ANKS6: variants seen among roughly 807,000 people sequenced by gnomAD.
ANKS6 encodes ankyrin repeat and SAM domain-containing protein 6.
ANKS6 carries 47 observed loss-of-function variants against 77.9 expected under a neutral mutation model. That is an observed-to-expected ratio of 0.60 (90% CI 0.48 to 0.77). The LOEUF (loss-of-function observed/expected upper bound fraction) is 0.77, where lower values mean the gene tolerates loss of function less well. Among genes scored for constraint, ANKS6 ranks in the 30% least tolerant of loss-of-function variants. The pLI is 0.00. For missense variants in ANKS6, 1,150 were observed against 1,159.1 expected (o/e 0.99, Z 0.11); for synonymous variants, 488 against 501.7 (o/e 0.97, Z 0.37).
At chr9:98,755,469 G>A (rs1832650941) in intron 12 of ANKS6, among the ~76,000 whole-genome samples, 1 of 152,148 alleles carries the variant, frequency 6.6e-6, no homozygotes, top group Admixed American at 6.5e-5. Context: ...TGACTGCAAA[G>A]CCTCTGCTCC....
At position 98,768,157 on chromosome 9, in the gene ANKS6, G is replaced by A; in HGVS notation, c.2066C>T (p.Pro689Leu). ...LEQKPSHRSS[P>L]VGPAPGSSPS... The stretch of plus-strand genomic sequence containing the variant: ...GCTGGACCCCGGTGCTGGCCCCACA[G>A]GGCTTGACCGATGGCTGGGTTTCTG... Residue 689 changes from proline to leucine, a missense_variant, in exon 11 of 15, where the codon CCT becomes CTT. Transcript: ENST00000353234. The A allele has an allele frequency of 6.2e-7, 1 of 1,613,992 alleles. No homozygotes were observed. The highest frequency in any genetic ancestry group is 8.5e-7 in the Non-Finnish European group (1 of 1,180,004).
intron 2 of ANKS6, among the ~76,000 whole-genome samples, chr9:98,789,362 T>C (rs1834759458): frequency 6.7e-6 from 1 of 148,956 alleles, no homozygotes; most frequent in Admixed American, 6.8e-5. Context: ...ACGTGGTATG[T>C]CCTATGGCAG....
At chr9:98,751,868 G>A (rs1244793292) in intron 12 of ANKS6, among the ~76,000 whole-genome samples, 1 of 152,138 alleles carries the variant, frequency 6.6e-6, no homozygotes, top group Non-Finnish European at 1.5e-5. Context: ...ATCACTTGAG[G>A]CCAAAAGTTC....
chr9:98,771,259 C>G (rs1311223220), intron 9 of ANKS6, among the ~76,000 whole-genome samples: 1 of 152,234 alleles, frequency 6.6e-6, no homozygotes, highest in Non-Finnish European at 1.5e-5. Context: ...TCAGTGAATC[C>G]ATGTCACATC....
rs904008174 is a variant in ANKS6 at position 98,791,268 on chromosome 9, C to T, written c.360-662G>A. Reference sequence around the variant, plus strand: ...CCCTCCCCATCCCCAAAAGCACACACCCCATGCCAAGAGGTGTGGCAAGGT... The same window carrying T: ...CCCTCCCCATCCCCAAAAGCACACATCCCATGCCAAGAGGTGTGGCAAGGT... On this transcript the variant is annotated intron_variant, in intron 1 of 14. Transcript: ENST00000353234. This position sits in a 1 kb window ranked among gnomAD's most constrained non-coding sequence, Gnocchi z 4.3. 6.6e-6 allele frequency among the ~76,000 whole-genome samples: 1 copy of T among 152,212 alleles called. No homozygotes were observed. Among genetic ancestry groups the T allele is most frequent in the Non-Finnish European group, 1.5e-5 (1 of 68,044 alleles).
Position 98,773,887 on chromosome 9 carries a change from C to A in ANKS6, c.1811G>T (p.Gly604Val), listed in dbSNP as rs961824459. 6.4e-7 allele frequency: 1 copy of A among 1,557,160 alleles called. No individual in the cohort carries two copies. Among genetic ancestry groups the A allele is most frequent in the Non-Finnish European group, 8.6e-7 (1 of 1,158,084 alleles). ...CAGAAGACAACTTACAGTGTCTGTG[C>A]CCCCGCCGCCCACGGGGTGGCCCCT... ...ASRGHPVGGGGTDTTPVRPVK... is the reference protein window; with the variant it reads ...ASRGHPVGGGVTDTTPVRPVK... The change falls in exon 9 of 15, where the codon GGC becomes GTC. Residue 604 changes from glycine (G) to valine (V), a missense_variant. Coordinates refer to ENST00000353234, the MANE Select transcript of ANKS6 (RefSeq NM_173551.5).
At chr9:98,748,363 A>C (rs183627215) in intron 13 of ANKS6, among the ~76,000 whole-genome samples, 11 of 152,362 alleles carry the variant, frequency 7.2e-5, no homozygotes, top group Non-Finnish European at 1.3e-4. Context: ...AATAAGGCAG[A>C]AATATCCCAG....
chr9:98,751,395 G>A (rs774374402), intron 12 of ANKS6, among the ~76,000 whole-genome samples: 2 of 152,204 alleles, frequency 1.3e-5, no homozygotes, highest in South Asian at 2.1e-4. Context: ...CGACCCTCAA[G>A]TTCTGGAAGT....
Position 98,768,143 on chromosome 9 carries a change from G to A in ANKS6, c.2080C>T (p.Pro694Ser), listed in dbSNP as rs368130782. ...SHRSSPVGPA[P>S]GSSPSELPAS... is the part of the protein sequence containing the mutation. ...GGAAGCTCAGACGGGCTGGACCCCG[G>A]TGCTGGCCCCACAGGGCTTGACCGA... Residue 694 changes from proline (P) to serine (S), a missense_variant, in exon 11 of 15, where the codon CCG (proline) becomes TCG (serine). Pro to Ser is a moderately conservative substitution (Grantham distance 74, BLOSUM62 -1). Transcript: ENST00000353234. The A allele has an allele frequency of 9.9e-6, 16 of 1,613,636 alleles. No homozygotes were observed. The African/African-American group carries it at 1.6e-4, about 16-fold the overall frequency.
At chr9:98,758,819 T>A (rs1832858076) in intron 11 of ANKS6, among the ~76,000 whole-genome samples, 1 of 152,188 alleles carries the variant, frequency 6.6e-6, no homozygotes, top group Non-Finnish European at 1.5e-5. Flanking sequence ...CACAAAAAAA[T>A]TTTTAGCCCA....
intron 8 of ANKS6, among the ~76,000 whole-genome samples, chr9:98,776,981 T>A (rs1833952092): frequency 6.6e-6 from 1 of 152,240 alleles, no homozygotes. Context: ...GGATTTTCCG[T>A]TACTCACAGT....
In ANKS6 at chr9:98,783,936, G is replaced by A. The variant is rs373774638; in HGVS notation, c.1112+17C>T. The A allele has an allele frequency of 1.5e-5, 23 of 1,542,258 alleles. No homozygotes were observed. In the African/African-American group the frequency reaches 1.8e-4, roughly 12 times the overall value. On this transcript the variant is annotated intron_variant, in intron 4 of 14. Transcript: ENST00000353234. ...TCTGTCTGGCCTTGTCGCTGAGGGC[G>A]TGGGGCTGGCACTGACCCATGGTAG...
rs761241274 is a variant in ANKS6, at chr9:98,774,011, G to T, written c.1687C>A (p.Pro563Thr). ...CTCCACAGCTCAAAACTGGAAGGGGGTAGGAATGGGGGGATGACTGCTTTC... is the reference window on the plus strand; with the variant it reads ...CTCCACAGCTCAAAACTGGAAGGGGTTAGGAATGGGGGGATGACTGCTTTC... ...KLKAVIPPFLPPSSFELWSSD... is the reference protein window; with the variant it reads ...KLKAVIPPFLTPSSFELWSSD... The change falls in exon 9 of 15, where the codon CCC becomes ACC. Residue 563 changes from proline (P) to threonine (T), a missense_variant. Coordinates refer to ENST00000353234, the MANE Select transcript of ANKS6 (RefSeq NM_173551.5). The T allele has an allele frequency of 1.3e-6, 2 of 1,578,264 alleles. No individual in the cohort carries two copies. Among genetic ancestry groups the T allele is most frequent in the African/African-American group, 1.4e-5 (1 of 73,232 alleles).
intron 1 of ANKS6, 77 bp from the exon 2 acceptor site, chr9:98,790,683 T>C: frequency 6.6e-7 from 1 of 1,522,700 alleles, no homozygotes; most frequent in Admixed American, 1.8e-5. Flanking sequence ...TTAATTGGCA[T>C]GAATTATTAG....
intron 11 of ANKS6, among the ~76,000 whole-genome samples, chr9:98,761,845 G>A (rs1335406161): frequency 6.6e-6 from 1 of 152,140 alleles, no homozygotes; most frequent in African/African-American, 2.4e-5. Flanking sequence ...TAGGCAGTGT[G>A]AGCCTGCCAA....
chr9:98,735,221 T>A lies in ANKS6; in HGVS notation c.*1298A>T. ...TTGAGCTTCATCTGAACTTTGAACC[T>A]GAGTCCAGAGCACAAGGTCTGCCCA... On this transcript the variant is annotated 3_prime_UTR_variant, in exon 15 of 15. Transcript: ENST00000353234. 1.0e-6 allele frequency: 1 copy of A among 986,400 alleles called. No homozygotes were observed. The highest frequency in any genetic ancestry group is 1.2e-6 in the Non-Finnish European group (1 of 830,634). The allele number at this position is 986,400 out of a possible 1,614,324, so 61.1% of individuals were successfully genotyped here.
At chr9:98,773,824 T>C in intron 9 of ANKS6, 53 bp downstream of exon 9, 1 of 1,407,490 alleles carries the variant, frequency 7.1e-7, no homozygotes, top group South Asian at 1.6e-5. Context: ...GAACACACCA[T>C]GATCTCAGTG....
At chr9:98,761,452 T>C (rs953610103) in intron 11 of ANKS6, among the ~76,000 whole-genome samples, 1 of 152,208 alleles carries the variant, frequency 6.6e-6, no homozygotes, top group African/African-American at 2.4e-5. Context: ...AAAAAACTTT[T>C]TCCAGATCTA....
intron 1 of ANKS6, among the ~76,000 whole-genome samples, chr9:98,792,664 G>A (rs538253393): frequency 2.0e-4 from 30 of 152,196 alleles, no homozygotes; most frequent in Non-Finnish European, 2.8e-4. Flanking sequence ...AGATTACAAG[G>A]TGCGTCACAT....
Sources: allele counts gnomAD v4.1 joint callset (sites outside exome capture counted in the v4.1 genomes callset), GRCh38; gene constraint gnomAD v4.1.1; non-coding constraint Gnocchi (gnomAD v3.1); transcripts MANE v1.5; gene names NCBI Gene and HGNC (gene_info 2026-07-23, HGNC 2026-07-21).